Variants in KPNA3 observed in about 807,000 individuals in gnomAD.
The protein encoded by KPNA3 is karyopherin subunit alpha 3.
Under a neutral mutation model 73.8 loss-of-function variants are expected in KPNA3, and 13 were observed. The observed-to-expected ratio is 0.18, with a 90% confidence interval of 0.11 to 0.28. The LOEUF is 0.28. Among genes scored for constraint, KPNA3 ranks in the 10% least tolerant of loss-of-function variants. The pLI, the probability that KPNA3 is intolerant of heterozygous loss-of-function variation, is 1.00. For missense variants in KPNA3, 360 were observed against 618.1 expected (o/e 0.58, Z 4.43); for synonymous variants, 186 against 206.9 (o/e 0.90, Z 0.87).
chr13:49,779,097 ATT>A (rs5803484), intron 1 of KPNA3, among the ~76,000 whole-genome samples: 23 of 147,104 alleles, frequency 1.6e-4, no homozygotes, highest in African/African-American at 3.2e-4. Context: ...TGCTAGTTCC[ATT>A]TTTTTTTTTT....
intron 1 of KPNA3, among the ~76,000 whole-genome samples, chr13:49,778,615 T>C (rs1954916068): frequency 6.6e-6 from 1 of 152,238 alleles, no homozygotes; most frequent in Admixed American, 6.5e-5. Context: ...TACATATGTT[T>C]GAAAGTTTTA....
chr13:49,748,697 T>G (rs530022966), intron 1 of KPNA3, among the ~76,000 whole-genome samples: 1 of 152,186 alleles, frequency 6.6e-6, no homozygotes, highest in East Asian at 1.9e-4. Context: ...CAAACAAAAT[T>G]CAAATTAGTC....
intron 1 of KPNA3, among the ~76,000 whole-genome samples, chr13:49,756,640 C>T (rs962016745): frequency 6.6e-6 from 1 of 152,158 alleles, no homozygotes; most frequent in Non-Finnish European, 1.5e-5. Context: ...TGATTCTCCT[C>T]ATACTGATAT....
chr13:49,735,696 A>G (rs755765442), intron 2 of KPNA3, among the ~76,000 whole-genome samples: 1 of 152,200 alleles, frequency 6.6e-6, no homozygotes, highest in Non-Finnish European at 1.5e-5. Context: ...TATGGATTAA[A>G]TGGATTTCTT....
At chr13:49,773,056 T>C (rs1566359027) in intron 1 of KPNA3, among the ~76,000 whole-genome samples, 2 of 152,190 alleles carry the variant, frequency 1.3e-5, no homozygotes, top group Non-Finnish European at 2.9e-5. Flanking sequence ...TTAAGAAGAA[T>C]GAACTTTAGG....
At chr13:49,784,457 G>A (rs1363089310) in intron 1 of KPNA3, among the ~76,000 whole-genome samples, 2 of 152,082 alleles carry the variant, frequency 1.3e-5, no homozygotes, top group South Asian at 2.1e-4. Context: ...AAACTGACCC[G>A]AACAAATTAG....
At chr13:49,760,309 G>A (rs189756345) in intron 1 of KPNA3, among the ~76,000 whole-genome samples, 1 of 151,794 alleles carries the variant, frequency 6.6e-6, no homozygotes, top group East Asian at 1.9e-4. Flanking sequence ...CAACTACCCA[G>A]GAGACTGAGG....
At chr13:49,722,869 C>T (rs1158082893) in intron 7 of KPNA3, among the ~76,000 whole-genome samples, 2 of 123,300 alleles carry the variant, frequency 1.6e-5, no homozygotes, top group East Asian at 5.2e-4. Context: ...CTACCCCAAA[C>T]ATGTAACCTT....
Position 49,715,815 on chromosome 13 carries a change from C to T in KPNA3, c.771+3960G>A, listed in dbSNP as rs556063633. The stretch of plus-strand genomic sequence containing the variant: ...AGAATATACCCTGAAGATATACCTC[C>T]AATAATATGAAAACACACAATAGTC... On this transcript the variant is annotated intron_variant, in intron 10 of 16. Coordinates refer to ENST00000261667, the MANE Select transcript of KPNA3 (RefSeq NM_002267.4). Among the ~76,000 whole-genome samples the T allele has an allele frequency of 6.6e-5, 10 of 152,292 alleles. No homozygotes were observed. In the East Asian group the frequency reaches 1.7e-3, roughly 26 times the overall value.
At chr13:49,738,526 C>A (rs1036706789) in intron 2 of KPNA3, among the ~76,000 whole-genome samples, 1 of 152,220 alleles carries the variant, frequency 6.6e-6, no homozygotes, top group Non-Finnish European at 1.5e-5. Flanking sequence ...TGTTTCATGT[C>A]TTTCACCAGC....
At chr13:49,786,928 T>A (rs1282324737) in intron 1 of KPNA3, among the ~76,000 whole-genome samples, 1 of 152,172 alleles carries the variant, frequency 6.6e-6, no homozygotes, top group Non-Finnish European at 1.5e-5. Context: ...ATTATACTTG[T>A]TCAGGCAACA....
intron 10 of KPNA3, among the ~76,000 whole-genome samples, chr13:49,719,571 CA>C (rs1452398804): frequency 2.0e-5 from 3 of 152,102 alleles, no homozygotes; most frequent in African/African-American, 7.2e-5. Context: ...AGTAATTTCT[CA>C]AAAGTGAGCA....
intron 10 of KPNA3, among the ~76,000 whole-genome samples, chr13:49,718,743 G>A (rs905106127): frequency 1.3e-5 from 2 of 152,138 alleles, no homozygotes; most frequent in Non-Finnish European, 2.9e-5. Context: ...TTTAGGCTGT[G>A]TCAAACACGA....
intron 2 of KPNA3, among the ~76,000 whole-genome samples, chr13:49,735,134 T>C (rs1005970344): frequency 4.8e-4 from 73 of 152,186 alleles, no homozygotes; most frequent in African/African-American, 1.6e-3. Context: ...TTATTTTTTA[T>C]TTTTTAGATG....
intron 2 of KPNA3, among the ~76,000 whole-genome samples, chr13:49,744,494 T>C (rs1488665530): frequency 6.6e-6 from 1 of 152,230 alleles, no homozygotes; most frequent in Non-Finnish European, 1.5e-5. Context: ...ATTCTATCAT[T>C]AGTTGTTAAT....
At chr13:49,737,906 C>CA (rs1342121052) in intron 2 of KPNA3, among the ~76,000 whole-genome samples, 1 of 152,148 alleles carries the variant, frequency 6.6e-6, no homozygotes. Flanking sequence ...TCTCACACAG[C>CA]AAAATTTTTA....
intron 6 of KPNA3, among the ~76,000 whole-genome samples, chr13:49,728,462 A>G (rs965970754): frequency 1.3e-5 from 2 of 152,206 alleles, no homozygotes; most frequent in Non-Finnish European, 1.5e-5. Flanking sequence ...GATAGGTGTC[A>G]AAACCATTGT....
intron 12 of KPNA3, among the ~76,000 whole-genome samples, chr13:49,706,959 C>T (rs1341084059): frequency 6.6e-6 from 1 of 152,048 alleles, no homozygotes; most frequent in South Asian, 2.1e-4. Context: ...CCGTGTTAGC[C>T]AGGATGGTCT....
At chr13:49,763,702 G>C (rs1364158562) in intron 1 of KPNA3, among the ~76,000 whole-genome samples, 2 of 152,116 alleles carry the variant, frequency 1.3e-5, no homozygotes, top group African/African-American at 2.4e-5. Context: ...TGGAGGCCTA[G>C]GTGGGCAGAT....
Sources: gnomAD v4.1 joint callset for allele counts (sites outside exome capture counted in the v4.1 genomes callset) on GRCh38, gnomAD v4.1.1 for gene constraint, MANE v1.5 for transcripts, NCBI Gene and HGNC (gene_info 2026-07-23, HGNC 2026-07-21) for gene names.